The following ANKRD44 variants were observed in gnomAD, a reference collection of about 807,000 sequenced individuals.
The protein encoded by ANKRD44 is serine/threonine-protein phosphatase 6 regulatory ankyrin repeat subunit B.
A neutral mutation model predicts 116.0 loss-of-function variants in ANKRD44; 35 were observed. The observed-to-expected ratio is 0.30, with a 90% CI of 0.23 to 0.40. The LOEUF is 0.40. ANKRD44 is among the 10% of genes least tolerant of loss of function. ANKRD44 has a pLI of 1.00. For missense variants in ANKRD44, 1,014 were observed against 1,242.6 expected (o/e 0.82, Z 2.77); for synonymous variants, 435 against 461.8 (o/e 0.94, Z 0.74).
intron 2 of ANKRD44, among the ~76,000 whole-genome samples, chr2:197,172,501 G>A (rs973866798): frequency 6.6e-6 from 1 of 152,088 alleles, no homozygotes; most frequent in Non-Finnish European, 1.5e-5. Flanking sequence ...CAGTACTGAC[G>A]TTTCCTCTGT....
rs1191059337 is a variant in ANKRD44 at position 197,260,821 on chromosome 2, C to T, written c.27+49757G>A. 1.7e-4 allele frequency among the ~76,000 whole-genome samples: 22 copies of T among 129,032 alleles called. No homozygotes were observed. The East Asian group carries it at 4.6e-3, about 27-fold the overall frequency. 84.7% of individuals were successfully genotyped at this position (129,032 alleles called of 152,430 possible). ...CTCATTGTGGTTTTGATTTGCATTTCTCTGATGGCCAGTGATGATGAGCAT... is the reference window on the plus strand; with the variant it reads ...CTCATTGTGGTTTTGATTTGCATTTTTCTGATGGCCAGTGATGATGAGCAT... On this transcript the variant is annotated intron_variant, in intron 1 of 27. Transcript: ENST00000282272.
intron 27 of ANKRD44, chr2:196,990,797 T>C: frequency 8.1e-7 from 1 of 1,232,182 alleles, no homozygotes. Context: ...TCAAATTGTC[T>C]TTTTTTAAAC....
At chr2:197,298,027 A>G (rs1049122522) in intron 1 of ANKRD44, among the ~76,000 whole-genome samples, 1 of 152,232 alleles carries the variant, frequency 6.6e-6, no homozygotes, top group African/African-American at 2.4e-5. Flanking sequence ...TAAGAAGGAT[A>G]TAGAAAGATT....
chr2:197,079,947 C>T (rs1238922619), intron 15 of ANKRD44, among the ~76,000 whole-genome samples: 2 of 152,166 alleles, frequency 1.3e-5, no homozygotes, highest in East Asian at 3.8e-4. Context: ...ACCCACATGT[C>T]AATAATAAAT....
chr2:197,222,393 A>C (rs1181362174), intron 1 of ANKRD44, among the ~76,000 whole-genome samples: 13 of 152,218 alleles, frequency 8.5e-5, no homozygotes, highest in Non-Finnish European at 1.8e-4. Flanking sequence ...TTTAAAGATC[A>C]AAAACTTCAA....
At chr2:197,000,279 T>A in intron 23 of ANKRD44, 140 bp downstream of exon 23, 1 of 664,676 alleles carries the variant, frequency 1.5e-6, no homozygotes, top group Non-Finnish European at 2.5e-6. Flanking sequence ...TTTATTTTAA[T>A]TATACACCCT....
chr2:197,205,981 G>A (rs375591600), intron 1 of ANKRD44, among the ~76,000 whole-genome samples: 1 of 152,330 alleles, frequency 6.6e-6, no homozygotes, highest in African/African-American at 2.4e-5. Flanking sequence ...GTAAGGTGGG[G>A]CTGGCCACGC....
Position 197,059,655 on chromosome 2 carries a change from G to A in ANKRD44, c.1650+19048C>T, listed in dbSNP as rs1050757018. Among the ~76,000 whole-genome samples, 19 of 152,078 alleles carry A rather than the reference G, an allele frequency of 1.2e-4. 1 individual carries two copies. The highest frequency in any genetic ancestry group is 9.8e-4 in the Admixed American group (15 of 15,264). Reference sequence around the variant, plus strand: ...CAGACACACATGTATTCAGATATGCGCCTGCCTCACATTTAATCTTTTATG... The same window carrying A: ...CAGACACACATGTATTCAGATATGCACCTGCCTCACATTTAATCTTTTATG... On this transcript the variant is annotated intron_variant, in intron 16 of 27. Transcript: ENST00000282272.
At chr2:197,147,680 C>T (rs1338162479) in intron 2 of ANKRD44, among the ~76,000 whole-genome samples, 1 of 151,970 alleles carries the variant, frequency 6.6e-6, no homozygotes, top group Non-Finnish European at 1.5e-5. Flanking sequence ...CTACAACAGG[C>T]CTGGTCCCTG....
chr2:197,197,084 G>A (rs1295998990), intron 1 of ANKRD44, among the ~76,000 whole-genome samples: 1 of 152,108 alleles, frequency 6.6e-6, no homozygotes, highest in Non-Finnish European at 1.5e-5. Flanking sequence ...TGAGATGACT[G>A]GAAGGTCCCC....
chr2:197,297,639 C>T (rs2083762366), intron 1 of ANKRD44, among the ~76,000 whole-genome samples: 1 of 152,118 alleles, frequency 6.6e-6, no homozygotes, highest in Non-Finnish European at 1.5e-5. Context: ...GTGCACATAG[C>T]CCAGGTCTCC....
Position 196,987,491 on chromosome 2 carries a change from C to T in ANKRD44, c.*2100G>A, listed in dbSNP as rs1007907932. On this transcript the variant is annotated 3_prime_UTR_variant, in exon 28 of 28. Transcript: ENST00000282272. ...CTTCAACCAACACAACATATAAGCACACCAAGTTGCTCAACAGTACAAAGA... is the reference window on the plus strand; with the variant it reads ...CTTCAACCAACACAACATATAAGCATACCAAGTTGCTCAACAGTACAAAGA... 5.1e-6 allele frequency: 5 copies of T among 985,180 alleles called. No homozygotes were observed. The African/African-American group carries it at 7.0e-5, about 14-fold the overall frequency. The allele number at this position is 985,180 out of a possible 1,614,324, so 61.0% of individuals were successfully genotyped here.
intron 20 of ANKRD44, among the ~76,000 whole-genome samples, 163 bp downstream of exon 20, chr2:197,007,643 T>C (rs2076223670): frequency 6.6e-6 from 1 of 152,236 alleles, no homozygotes. Context: ...TTGTAATTTC[T>C]TTTGGACTGA....
intron 21 of ANKRD44, among the ~76,000 whole-genome samples, chr2:196,968,691 C>T (rs1320967441): frequency 6.6e-6 from 1 of 152,194 alleles, no homozygotes; most frequent in Admixed American, 6.5e-5. Flanking sequence ...GGACATCATC[C>T]TTTGGACTCT....
intron 16 of ANKRD44, among the ~76,000 whole-genome samples, chr2:197,073,633 C>G (rs183215682): frequency 1.3e-5 from 2 of 152,266 alleles, no homozygotes; most frequent in Admixed American, 1.3e-4. Context: ...GATATCTAAG[C>G]AATCTCCCTG....
intron 1 of ANKRD44, among the ~76,000 whole-genome samples, chr2:197,305,189 AAAAAC>A (rs141369581): frequency 0.039 from 5,933 of 152,292 alleles, 362 homozygotes; most frequent in African/African-American, 0.13. Context: ...TGTCAGGAAA[AAAAAC>A]AAAAACAACA....
intron 19 of ANKRD44, among the ~76,000 whole-genome samples, chr2:197,008,588 A>T (rs1325129172): frequency 6.6e-6 from 1 of 152,238 alleles, no homozygotes; most frequent in East Asian, 1.9e-4. Context: ...AGATAACCTC[A>T]TGAGGTCTGT....
chr2:197,110,958 A>G, intron 8 of ANKRD44, 114 bp from the exon 9 acceptor site: 1 of 751,726 alleles, frequency 1.3e-6, no homozygotes, highest in Non-Finnish European at 2.3e-6. Context: ...TCATTTATTT[A>G]TTTATTTTTT....
In ANKRD44 at chr2:196,987,967, G is replaced by A; in HGVS notation, c.*1624C>T. ...ATTTTGCCTTGGGGTATGGGAGAAA[G>A]AGAAAGAGAGGAAGAGAGAGAGAGA... On this transcript the variant is annotated 3_prime_UTR_variant, in exon 28 of 28. Coordinates refer to ENST00000282272, the MANE Select transcript of ANKRD44 (RefSeq NM_001195144.2). 3 of 985,308 alleles carry A rather than the reference G, an allele frequency of 3.0e-6. No homozygotes were observed. Among genetic ancestry groups the A allele is most frequent in the Non-Finnish European group, 3.6e-6 (3 of 829,896 alleles). The allele number at this position is 985,308 out of a possible 1,614,324, so 61.0% of individuals were successfully genotyped here. A position where few individuals can be genotyped will look rare whatever the true frequency, so the allele number is the denominator to read the frequency against.
Sources: allele counts gnomAD v4.1 joint callset (sites outside exome capture counted in the v4.1 genomes callset), GRCh38; gene constraint gnomAD v4.1.1; transcripts MANE v1.5; gene names NCBI Gene and HGNC (gene_info 2026-07-23, HGNC 2026-07-21).